The following RANBP2 variants were observed in gnomAD, a reference collection of about 807,000 sequenced individuals.
RANBP2 encodes the protein RAN binding protein 2.
A neutral mutation model predicts 303.6 loss-of-function variants in RANBP2; 57 were observed. The observed-to-expected ratio is 0.19, with a 90% CI of 0.15 to 0.23. The LOEUF (loss-of-function observed/expected upper bound fraction) is 0.23, where lower values mean the gene tolerates loss of function less well. RANBP2 is among the 10% of genes least tolerant of loss of function. RANBP2 has a pLI of 1.00. For missense variants in RANBP2, 3,138 were observed against 3,780.8 expected (o/e 0.83, Z 4.46); for synonymous variants, 1,167 against 1,301.5 (o/e 0.90, Z 2.23).
the RANBP2 span, among the ~76,000 whole-genome samples, chr2:109,123,179 T>C: frequency 6.6e-6 from 1 of 152,166 alleles, no homozygotes; most frequent in Non-Finnish European, 1.5e-5. Flanking sequence ...CAGCCGTGGC[T>C]CAGAGGTAGT....
the RANBP2 span, among the ~76,000 whole-genome samples, chr2:109,591,942 G>A: frequency 6.6e-6 from 1 of 151,980 alleles, no homozygotes; most frequent in Non-Finnish European, 1.5e-5. Flanking sequence ...AATTACCTAT[G>A]TTTGTATTTG....
the RANBP2 span, among the ~76,000 whole-genome samples, chr2:109,011,429 G>A: frequency 6.6e-6 from 1 of 152,078 alleles, no homozygotes; most frequent in Non-Finnish European, 1.5e-5. Context: ...CTGATTCCTG[G>A]TCTTTGTATG....
chr2:108,914,813 T>C, the RANBP2 span, among the ~76,000 whole-genome samples: 1 of 152,200 alleles, frequency 6.6e-6, no homozygotes, highest in African/African-American at 2.4e-5. Flanking sequence ...CAAATCAAGG[T>C]ACCTCCCCAG....
At chr2:108,983,611 G>A in the RANBP2 span, among the ~76,000 whole-genome samples, 6 of 152,264 alleles carry the variant, frequency 3.9e-5, no homozygotes, top group South Asian at 2.1e-4. Flanking sequence ...CTGCCCTGGA[G>A]TTCCCAGAGA....
chr2:109,303,182 C>A, the RANBP2 span, among the ~76,000 whole-genome samples: 1 of 152,192 alleles, frequency 6.6e-6, no homozygotes, highest in African/African-American at 2.4e-5. Context: ...GGCCGATCTC[C>A]TTAGTTTTTA....
the RANBP2 span, among the ~76,000 whole-genome samples, chr2:109,441,548 C>T: frequency 6.6e-6 from 1 of 152,160 alleles, no homozygotes; most frequent in African/African-American, 2.4e-5. Context: ...AATCCGTGAG[C>T]AATGGGACAA....
the RANBP2 span, among the ~76,000 whole-genome samples, chr2:109,589,102 GTTTT>G: frequency 5.6e-3 from 846 of 151,944 alleles, 6 homozygotes; most frequent in African/African-American, 0.019. Flanking sequence ...AATTTTTGTG[GTTTT>G]TTTGTTTGTT....
the RANBP2 span, among the ~76,000 whole-genome samples, chr2:109,262,980 C>T: frequency 6.6e-6 from 1 of 151,956 alleles, no homozygotes; most frequent in Admixed American, 6.6e-5. Context: ...GTACAGGTGC[C>T]CGCCACCACA....
the RANBP2 span, among the ~76,000 whole-genome samples, chr2:109,386,215 C>T: frequency 1.3e-5 from 2 of 152,212 alleles, no homozygotes; most frequent in Admixed American, 1.3e-4. Context: ...GGAAGTGACC[C>T]AGGCTTCCGG....
At chr2:109,013,176 A>C in the RANBP2 span, among the ~76,000 whole-genome samples, 1 of 152,174 alleles carries the variant, frequency 6.6e-6, no homozygotes, top group Non-Finnish European at 1.5e-5. Flanking sequence ...AATTTCTCTC[A>C]TGCCAGTAGT....
At chr2:109,235,104 A>C in the RANBP2 span, among the ~76,000 whole-genome samples, 3 of 152,204 alleles carry the variant, frequency 2.0e-5, no homozygotes, top group Non-Finnish European at 4.4e-5. Flanking sequence ...CAGAGCAATA[A>C]GCAGTACGGT....
chr2:109,161,291 T>A, the RANBP2 span, among the ~76,000 whole-genome samples: 1 of 152,022 alleles, frequency 6.6e-6, no homozygotes, highest in Non-Finnish European at 1.5e-5. Flanking sequence ...GCTACAGAGT[T>A]AGGAGTGTGT....
At chr2:108,990,905 T>G in the RANBP2 span, among the ~76,000 whole-genome samples, 2 of 152,218 alleles carry the variant, frequency 1.3e-5, no homozygotes, top group African/African-American at 4.8e-5. Context: ...TATTCTGGGC[T>G]AATCTGTTCT....
the RANBP2 span, among the ~76,000 whole-genome samples, chr2:109,654,931 C>T: frequency 6.7e-6 from 1 of 148,476 alleles, no homozygotes; most frequent in African/African-American, 2.5e-5. Flanking sequence ...GAGATGGAGT[C>T]TTGCTCAGTC....
the RANBP2 span, among the ~76,000 whole-genome samples, chr2:109,426,189 G>A: frequency 4.6e-5 from 7 of 152,170 alleles, no homozygotes; most frequent in Non-Finnish European, 1.0e-4. Flanking sequence ...GATTACAATC[G>A]TGAGCCACTG....
the RANBP2 span, chr2:108,876,727 T>C: frequency 6.6e-6 from 1 of 152,266 alleles, no homozygotes; most frequent in Non-Finnish European, 1.5e-5. Flanking sequence ...ATTTTTTTTT[T>C]ATTGTGCTCT....
At chr2:109,465,754 A>G in the RANBP2 span, among the ~76,000 whole-genome samples, 1 of 152,222 alleles carries the variant, frequency 6.6e-6, no homozygotes. Context: ...GAGGGAACAA[A>G]GAGTCTCACA....
At chr2:109,628,220 G>A in the RANBP2 span, among the ~76,000 whole-genome samples, 1 of 152,120 alleles carries the variant, frequency 6.6e-6, no homozygotes, top group African/African-American at 2.4e-5. Flanking sequence ...CCAGCTGTGT[G>A]CAGTGGCTCA....
the RANBP2 span, chr2:109,437,015 C>T: frequency 6.2e-7 from 1 of 1,613,888 alleles, no homozygotes; most frequent in Non-Finnish European, 8.5e-7. Flanking sequence ...GCCACTGCCA[C>T]CAGGCCCGCC....
Sources: gnomAD v4.1 joint callset for allele counts (sites outside exome capture counted in the v4.1 genomes callset) on GRCh38, gnomAD v4.1.1 for gene constraint, MANE v1.5 for transcripts, NCBI Gene and HGNC (gene_info 2026-07-23, HGNC 2026-07-21) for gene names.